Variants in TENM4 observed in about 807,000 individuals in gnomAD.
The protein encoded by TENM4 is teneurin-4.
A neutral mutation model predicts 243.3 loss-of-function variants in TENM4; 82 were observed. That is an observed-to-expected ratio of 0.34 (90% CI 0.28 to 0.40). The LOEUF is 0.40. Among genes scored for constraint, TENM4 ranks in the 10% least tolerant of loss-of-function variants. The pLI is 1.00. For missense variants in TENM4, 3,138 were observed against 3,673.3 expected (o/e 0.85, Z 3.77); for synonymous variants, 1,412 against 1,456.3 (o/e 0.97, Z 0.69).
chr11:78,872,733 C>T (rs1859166224), intron 9 of TENM4, among the ~76,000 whole-genome samples: 2 of 152,182 alleles, frequency 1.3e-5, no homozygotes, highest in Non-Finnish European at 2.9e-5. Context: ...TGTTGCTATG[C>T]TCCATTTCCA....
chr11:78,945,857 C>T (rs1856993344), intron 6 of TENM4, among the ~76,000 whole-genome samples: 1 of 152,142 alleles, frequency 6.6e-6, no homozygotes, highest in Non-Finnish European at 1.5e-5. Flanking sequence ...AGAGCAAAGG[C>T]CCTAACTCTT....
intron 16 of TENM4, among the ~76,000 whole-genome samples, chr11:78,785,934 T>C (rs2136034916): frequency 6.6e-6 from 1 of 151,926 alleles, no homozygotes; most frequent in South Asian, 2.1e-4. Context: ...TCCTGCCTTC[T>C]AAAGCCATGT....
intron 1 of TENM4, chr11:79,422,248 TACACACACACAC>T (rs36083983): frequency 0.035 from 4,939 of 142,724 alleles, 119 homozygotes; most frequent in Non-Finnish European, 0.053. Context: ...ACATGGTTCT[TACACACACACAC>T]ACACACACAC....
intron 2 of TENM4, among the ~76,000 whole-genome samples, chr11:79,283,358 C>T (rs937348300): frequency 4.0e-5 from 6 of 151,738 alleles, no homozygotes; most frequent in African/African-American, 1.5e-4. Context: ...GTAAAAAGAA[C>T]TATACACCAT....
rs972268579 is a variant in TENM4, at chr11:78,891,307, G to T, written c.779C>A (p.Thr260Lys). ...RNLGKQPFLG[T>K]LQDNLIEMDI... ...CATCTCAATGAGGTTGTCCTGCAAT[G>T]TCCCTAGGAATGGCTGCTTGCCTAG... is the stretch of plus-strand genomic sequence containing the variant. Residue 260 changes from threonine (T) to lysine (K), a missense_variant, in exon 8 of 34, where the codon ACA becomes AAA. This residue lies in a region of TENM4 where 671 missense variants were observed against 614.1 expected (regional missense o/e 1.09). Transcript: ENST00000278550. 11 of 1,551,712 alleles carry T rather than the reference G, an allele frequency of 7.1e-6. No homozygotes were observed. The highest frequency in any genetic ancestry group is 8.7e-6 in the Non-Finnish European group (10 of 1,147,006).
chr11:79,326,307 A>G (rs532124169), intron 1 of TENM4, among the ~76,000 whole-genome samples: 66 of 152,206 alleles, frequency 4.3e-4, no homozygotes, highest in African/African-American at 1.5e-3. Flanking sequence ...CAGCCCTGCC[A>G]GGCCACCCAA....
chr11:79,145,435 G>T (rs1391341705), intron 4 of TENM4, among the ~76,000 whole-genome samples: 1 of 152,016 alleles, frequency 6.6e-6, no homozygotes. Context: ...CCAGACTTCT[G>T]AAAACACAGA....
chr11:78,913,583 ATGTGTGTGTGTGTGTGTGTGTGTGTG>A (rs55835050), intron 6 of TENM4, among the ~76,000 whole-genome samples: 2 of 141,840 alleles, frequency 1.4e-5, no homozygotes, highest in African/African-American at 5.4e-5. Context: ...GGTAAGAGGT[ATGTGTGTGTGTGTGTGTGTGTGTGTG>A]TGTGTGTGTG....
intron 12 of TENM4, among the ~76,000 whole-genome samples, chr11:78,842,740 A>G (rs1858290076): frequency 6.6e-6 from 1 of 152,084 alleles, no homozygotes; most frequent in Admixed American, 6.5e-5. Context: ...GTCAGACAGA[A>G]CTGGATTCAA....
chr11:78,951,677 G>A (rs1857111442), intron 6 of TENM4, among the ~76,000 whole-genome samples: 1 of 152,090 alleles, frequency 6.6e-6, no homozygotes, highest in African/African-American at 2.4e-5. Context: ...GCTCTTTGGG[G>A]TCTCTTCCTC....
chr11:78,788,494 T>C (rs1856984969), intron 15 of TENM4, among the ~76,000 whole-genome samples: 1 of 152,248 alleles, frequency 6.6e-6, no homozygotes. Flanking sequence ...GCAGGTCCCT[T>C]GACTTCACTG....
Position 79,182,712 on chromosome 11 carries a change from A to T in TENM4, c.-163+33096T>A, listed in dbSNP as rs191504924. On this transcript the variant is annotated intron_variant, in intron 3 of 33. Coordinates refer to ENST00000278550, the MANE Select transcript of TENM4 (RefSeq NM_001098816.3). ...TAGCCAAAATATCCAAAAAACTCTT[A>T]AAGTTCAACAATAAGAAAACAACCT... 6.6e-5 allele frequency among the ~76,000 whole-genome samples: 10 copies of T among 152,338 alleles called. No individual in the cohort carries two copies. In the East Asian group the frequency reaches 1.9e-3, roughly 29 times the overall value.
intron 6 of TENM4, among the ~76,000 whole-genome samples, chr11:79,026,450 G>A (rs1256637226): frequency 6.6e-6 from 1 of 152,174 alleles, no homozygotes; most frequent in Admixed American, 6.5e-5. Flanking sequence ...TGGACACAGT[G>A]CATAGGACTA....
At chr11:79,162,375 A>C (rs953136485) in intron 3 of TENM4, among the ~76,000 whole-genome samples, 1 of 152,222 alleles carries the variant, frequency 6.6e-6, no homozygotes, top group African/African-American at 2.4e-5. Flanking sequence ...TAACATCATA[A>C]AGGGCTTAGA....
chr11:78,859,579 G>A (rs1420839806), intron 10 of TENM4, among the ~76,000 whole-genome samples: 1 of 151,828 alleles, frequency 6.6e-6, no homozygotes, highest in Non-Finnish European at 1.5e-5. Flanking sequence ...CTCAATCATA[G>A]CCTTTACTTT....
chr11:79,196,014 G>C (rs930627902), intron 3 of TENM4, among the ~76,000 whole-genome samples: 2 of 152,102 alleles, frequency 1.3e-5, no homozygotes, highest in Non-Finnish European at 2.9e-5. Flanking sequence ...TAAGCCTCAC[G>C]AGATCTGATG....
chr11:78,672,399 T>C, intron 30 of TENM4, 70 bp from the exon 31 acceptor site: 1 of 1,528,026 alleles, frequency 6.5e-7, no homozygotes, highest in Non-Finnish European at 8.9e-7. Context: ...ATGGGCCACG[T>C]TGCTCTCAGC....
At chr11:79,246,773 G>T (rs1204306876) in intron 2 of TENM4, among the ~76,000 whole-genome samples, 1 of 152,100 alleles carries the variant, frequency 6.6e-6, no homozygotes, top group Non-Finnish European at 1.5e-5. Flanking sequence ...GGAATGATGA[G>T]GTTCTCCACG....
At chr11:79,027,121 G>A (rs745486949) in intron 6 of TENM4, among the ~76,000 whole-genome samples, 3 of 152,172 alleles carry the variant, frequency 2.0e-5, no homozygotes, top group Non-Finnish European at 4.4e-5. Context: ...CTTAAACTTG[G>A]AATTATCCAG....
Sources: gnomAD v4.1 joint callset for allele counts (sites outside exome capture counted in the v4.1 genomes callset) on GRCh38, gnomAD v4.1.1 for gene constraint, gnomAD v4.1.1 regional missense constraint, MANE v1.5 for transcripts, NCBI Gene and HGNC (gene_info 2026-07-23, HGNC 2026-07-21) for gene names.